The following KIAA1958 variants were observed in gnomAD, a reference collection of about 807,000 sequenced individuals.
KIAA1958 encodes uncharacterized protein KIAA1958.
A neutral mutation model predicts 47.2 loss-of-function variants in KIAA1958; 14 were observed. The observed-to-expected ratio is 0.30, with a 90% CI of 0.20 to 0.46. The LOEUF is 0.46. Among genes scored for constraint, KIAA1958 ranks in the 20% least tolerant of loss-of-function variants. The probability of loss-of-function intolerance (pLI) is 1.00; values close to 1 mark genes in which losing one functional copy is unlikely to be tolerated. For synonymous variants in KIAA1958, 354 were observed against 353.3 expected (o/e 1.00, Z -0.02); for missense variants, 803 against 909.2 (o/e 0.88, Z 1.50).
At chr9:112,659,040 A>AG (rs1837210313) in intron 3 of KIAA1958, among the ~76,000 whole-genome samples, 3 of 150,090 alleles carry the variant, frequency 2.0e-5, no homozygotes, top group African/African-American at 7.4e-5. Context: ...AAAAAAAAAA[A>AG]AAAAGAAAGA....
At chr9:112,657,243 C>G (rs1837166487) in intron 3 of KIAA1958, among the ~76,000 whole-genome samples, 1 of 151,840 alleles carries the variant, frequency 6.6e-6, no homozygotes. Flanking sequence ...CAGATGCACA[C>G]CACTATGCCC....
chr9:112,567,189 A>G (rs1275630489), intron 1 of KIAA1958, among the ~76,000 whole-genome samples: 1 of 152,228 alleles, frequency 6.6e-6, no homozygotes, highest in African/African-American at 2.4e-5. Context: ...TCAGCTATAT[A>G]TAACAACTCC....
At chr9:112,629,360 C>T (rs769236629) in intron 2 of KIAA1958, among the ~76,000 whole-genome samples, 4 of 152,096 alleles carry the variant, frequency 2.6e-5, no homozygotes, top group Non-Finnish European at 5.9e-5. Flanking sequence ...TGGCTTCTAA[C>T]TGATTAACAT....
At chr9:112,512,546 A>G (rs987105279) in intron 1 of KIAA1958, among the ~76,000 whole-genome samples, 2 of 152,216 alleles carry the variant, frequency 1.3e-5, no homozygotes, top group Non-Finnish European at 2.9e-5. Flanking sequence ...AGCTAACTTC[A>G]TGTTTAATAA....
In KIAA1958 at chr9:112,659,909, G is replaced by A. The variant is rs1837243621; in HGVS notation, c.1991G>A (p.Gly664Asp). The change falls in exon 4 of 4, where the codon GGC becomes GAC. Residue 664 changes from glycine to aspartate, a missense_variant. Physicochemically the swap from Gly to Asp is moderately conservative, Grantham distance 94. This residue lies in a region of KIAA1958 where 761 missense variants were observed against 829.3 expected (regional missense o/e 0.92). Coordinates refer to ENST00000337530, the MANE Select transcript of KIAA1958 (RefSeq NM_133465.4). The stretch of plus-strand genomic sequence containing the variant: ...GCCAGGAAGGAGGCCACAGACATGG[G>A]CAGCGTGTGGTATGAGGAGCAGAGG... ...LTARKEATDM[G>D]SVWYEEQRMG... 6 of 1,614,098 alleles carry A rather than the reference G, an allele frequency of 3.7e-6. No homozygotes were observed. The highest frequency in any genetic ancestry group is 5.1e-6 in the Non-Finnish European group (6 of 1,180,040).
chr9:112,557,301 A>G (rs1835259498), intron 1 of KIAA1958, among the ~76,000 whole-genome samples: 1 of 152,112 alleles, frequency 6.6e-6, no homozygotes, highest in Non-Finnish European at 1.5e-5. Context: ...GGCTTTGTTC[A>G]AGGTGCTAAA....
Position 112,615,791 on chromosome 9 carries a change from G to T in KIAA1958, c.1172-29859G>T, listed in dbSNP as rs554256256. ...TAATGGGTAAAAGTCAAGGTCTTTC[G>T]ACTTTGAGGAGCCAAACAAAATTTA... On this transcript the variant is annotated intron_variant, in intron 2 of 3. Transcript: ENST00000337530. Among the ~76,000 whole-genome samples the T allele has an allele frequency of 2.8e-3, 433 of 152,246 alleles. 3 individuals carry two copies. The highest frequency in any genetic ancestry group is 1.0e-2 in the African/African-American group (415 of 41,544).
intron 1 of KIAA1958, among the ~76,000 whole-genome samples, chr9:112,515,274 C>T (rs1834402029): frequency 8.6e-6 from 1 of 116,148 alleles, no homozygotes; most frequent in Non-Finnish European, 1.9e-5. Context: ...GGGTCAGCCC[C>T]CCTGCCCGGC....
chr9:112,597,202 A>C (rs1160419607), intron 2 of KIAA1958, among the ~76,000 whole-genome samples: 1 of 152,192 alleles, frequency 6.6e-6, no homozygotes. Context: ...CAGTCTGCAG[A>C]GTCATATGCT....
intron 2 of KIAA1958, 115 bp from the exon 3 acceptor site, chr9:112,645,535 T>G: frequency 1.5e-6 from 1 of 666,200 alleles, no homozygotes; most frequent in Non-Finnish European, 2.5e-6. Context: ...AATAGACATT[T>G]CATGTTTTAA....
chr9:112,659,225 G>T, intron 3 of KIAA1958, 38 bp from the exon 4 acceptor site: 1 of 1,551,044 alleles, frequency 6.4e-7, no homozygotes, highest in Non-Finnish European at 8.8e-7. Context: ...GGCTGTGTGA[G>T]TGTCAAGTGT....
At chr9:112,608,518 G>A (rs1024146930) in intron 2 of KIAA1958, among the ~76,000 whole-genome samples, 4 of 152,204 alleles carry the variant, frequency 2.6e-5, no homozygotes, top group African/African-American at 9.6e-5. Context: ...GCTGGGTGTG[G>A]TGGTGCACAC....
intron 1 of KIAA1958, among the ~76,000 whole-genome samples, chr9:112,488,556 G>A (rs545137747): frequency 9.2e-5 from 14 of 152,138 alleles, no homozygotes; most frequent in Non-Finnish European, 1.8e-4. Flanking sequence ...TATTGACAAA[G>A]TTAAGTCTGA....
chr9:112,600,511 C>G (rs1564186731), intron 2 of KIAA1958, among the ~76,000 whole-genome samples: 1 of 152,192 alleles, frequency 6.6e-6, no homozygotes, highest in Admixed American at 6.5e-5. Flanking sequence ...TGAATTCATA[C>G]AGTCACATAG....
chr9:112,559,089 C>T (rs1835287592), intron 1 of KIAA1958, among the ~76,000 whole-genome samples: 1 of 152,092 alleles, frequency 6.6e-6, no homozygotes, highest in African/African-American at 2.4e-5. Context: ...TTTTGAAAAC[C>T]AGCGACCAGG....
intron 2 of KIAA1958, among the ~76,000 whole-genome samples, chr9:112,636,682 A>G (rs893382932): frequency 6.6e-6 from 1 of 152,136 alleles, no homozygotes; most frequent in African/African-American, 2.4e-5. Context: ...ATATAGGTAT[A>G]CCAGCTTTCA....
chr9:112,575,870 C>T (rs1835636439), intron 2 of KIAA1958, among the ~76,000 whole-genome samples: 1 of 152,102 alleles, frequency 6.6e-6, no homozygotes, highest in Non-Finnish European at 1.5e-5. Flanking sequence ...AATAATTGTA[C>T]GAGGCCCCTG....
At chr9:112,548,522 A>C (rs28754771) in intron 1 of KIAA1958, among the ~76,000 whole-genome samples, 1 of 152,088 alleles carries the variant, frequency 6.6e-6, no homozygotes, top group African/African-American at 2.4e-5. Flanking sequence ...AATCTCTCCA[A>C]ATATTTTCCA....
At chr9:112,569,120 C>T (rs536246675) in intron 1 of KIAA1958, among the ~76,000 whole-genome samples, 11 of 152,032 alleles carry the variant, frequency 7.2e-5, no homozygotes, top group African/African-American at 1.9e-4. Flanking sequence ...ACATGGCTCT[C>T]GTTGGAGAAT....
Sources: allele counts gnomAD v4.1 joint callset (sites outside exome capture counted in the v4.1 genomes callset), GRCh38; gene constraint gnomAD v4.1.1; regional missense constraint gnomAD v4.1.1; transcripts MANE v1.5; gene names NCBI Gene and HGNC (gene_info 2026-07-23, HGNC 2026-07-21).